DRD4: variants seen among roughly 807,000 people sequenced by gnomAD.
DRD4 encodes dopamine receptor D4, also known as D(4) dopamine receptor.
In DRD4, 26 loss-of-function variants were observed where a neutral mutation model predicts 22.1. The observed-to-expected ratio is 1.17, with a 90% CI of 0.86 to 1.63. DRD4 has a LOEUF of 1.63. Ranked by LOEUF, DRD4 falls within the 40% of genes most tolerant of loss-of-function variation. The pLI, the probability that DRD4 is intolerant of heterozygous loss-of-function variation, is 0.00. For missense variants in DRD4, 913 were observed against 632.4 expected, an observed-to-expected ratio of 1.44 and a Z score of -4.76; for synonymous variants, 455 against 306.7, an observed-to-expected ratio of 1.48 and a Z score of -5.05.
intron 1 of DRD4, among the ~76,000 whole-genome samples, chr11:638,824 CGTGA>C (rs1858129907): frequency 6.6e-6 from 1 of 152,164 alleles, no homozygotes; most frequent in African/African-American, 2.4e-5. Flanking sequence ...GGCCAGAAGC[CGTGA>C]TTCACGCCTG....
rs747820106 is a variant in DRD4 at position 639,831 on chromosome 11, C to G, written c.582C>G (p.Val194=). 1.9e-6 allele frequency: 3 copies of G among 1,585,542 alleles called. No homozygotes were observed. Among genetic ancestry groups the G allele is most frequent in the African/African-American group, 1.4e-5 (1 of 73,598 alleles). The change falls in exon 3 of 4, where the codon GTC becomes GTG. Residue 194 remains valine, a synonymous_variant. Transcript: ENST00000176183. ...VCRLEDRDYV[V]YSSVCSFFLP... The stretch of plus-strand genomic sequence containing the variant: ...GCCTGGAGGACCGCGACTACGTGGT[C>G]TACTCGTCCGTGTGCTCCTTCTTCC...
chr11:640,074 C>T lies in DRD4; in HGVS notation c.825C>T (p.Gly275=). The T allele has an allele frequency of 1.8e-6, 2 of 1,138,346 alleles. No individual in the cohort carries two copies. Among genetic ancestry groups the T allele is most frequent in the South Asian group, 2.3e-5 (1 of 44,216 alleles). 70.5% of individuals were successfully genotyped at this position (1,138,346 alleles called of 1,614,324 possible). ...PAPGLPRGPC[G]PDCAPAAPSL... ...CCGGCCTTCCCCGGGGTCCCTGCGGCCCCGACTGTGCGCCCGCCGCGCCCA... is the reference window on the plus strand; with the variant it reads ...CCGGCCTTCCCCGGGGTCCCTGCGGTCCCGACTGTGCGCCCGCCGCGCCCA... The change falls in exon 3 of 4, where the codon GGC becomes GGT. Residue 275 remains glycine (G), a synonymous_variant. Coordinates refer to ENST00000176183, the MANE Select transcript of DRD4 (RefSeq NM_000797.4).
In DRD4 at chr11:637,457, G is replaced by GA. The variant is rs750696928; in HGVS notation, c.155dup (p.Asn52LysfsTer398). The GA allele has an allele frequency of 4.6e-6, 7 of 1,535,522 alleles. No homozygotes were observed. The highest frequency in any genetic ancestry group is 3.6e-4 in the Middle Eastern group (2 of 5,506). Reference sequence around the variant, plus strand: ...TGCTCATCGGCGCGGTGCTCGCGGGGAACTCGCTCGTGTGCGTGAGCGTGG... The same window carrying GA: ...TGCTCATCGGCGCGGTGCTCGCGGGGAAACTCGCTCGTGTGCGTGAGCGTGG... On this transcript the variant is annotated frameshift_variant, in exon 1 of 4. Coordinates refer to ENST00000176183, the MANE Select transcript of DRD4 (RefSeq NM_000797.4). LOFTEE classifies it high-confidence loss of function.
At chr11:639,627 C>T (rs983677284) in intron 2 of DRD4, 21 bp from the exon 3 acceptor site, 8 of 1,413,402 alleles carry the variant, frequency 5.7e-6, no homozygotes, top group Middle Eastern at 2.3e-4. Flanking sequence ...CTGTCCGGCG[C>T]CCCCTCGGCG....
In DRD4 at chr11:639,692, G is replaced by A. The variant is rs1369433117; in HGVS notation, c.443G>A (p.Gly148Glu). ...CCGCTGCGCTACAACCGGCAGGGTGGGAGCCGCCGGCAGCTGCTGCTCATC... is the reference window on the plus strand; with the variant it reads ...CCGCTGCGCTACAACCGGCAGGGTGAGAGCCGCCGGCAGCTGCTGCTCATC... The part of the protein sequence containing the change: ...AVPLRYNRQG[G>E]SRRQLLLIGA... Residue 148 changes from glycine (G) to glutamate (E), a missense_variant, in exon 3 of 4, where the codon GGG (glycine) becomes GAG (glutamate). By Grantham distance (98) the Gly-to-Glu change is moderately conservative (BLOSUM62 -2). Coordinates refer to ENST00000176183, the MANE Select transcript of DRD4 (RefSeq NM_000797.4). The A allele has an allele frequency of 2.0e-6, 3 of 1,479,146 alleles. No individual in the cohort carries two copies. The East Asian group carries it at 8.6e-5, about 42-fold the overall frequency. 91.6% of individuals were successfully genotyped at this position (1,479,146 alleles called of 1,614,324 possible).
chr11:637,544 C>T lies in DRD4; in HGVS notation c.240C>T (p.Asp80=). ...NSFIVSLAAA[D]LLLALLVLPL... ...TCATCGTGAGCCTGGCGGCCGCCGA[C>T]CTCCTCCTCGCTCTCCTGGTGCTGC... The change falls in exon 1 of 4, where the codon GAC becomes GAT. Residue 80 remains aspartate (D), a synonymous_variant. Coordinates refer to ENST00000176183, the MANE Select transcript of DRD4 (RefSeq NM_000797.4). 6.6e-7 allele frequency: 1 copy of T among 1,524,118 alleles called. No homozygotes were observed. The allele number at this position is 1,524,118 out of a possible 1,614,324, so 94.4% of individuals were successfully genotyped here.
rs906330178 is a variant in DRD4, at chr11:639,833, A to G, written c.584A>G (p.Tyr195Cys). The part of the protein sequence containing the change: ...CRLEDRDYVV[Y>C]SSVCSFFLPC... Reference sequence around the variant, plus strand: ...CTGGAGGACCGCGACTACGTGGTCTACTCGTCCGTGTGCTCCTTCTTCCTA... The same window carrying G: ...CTGGAGGACCGCGACTACGTGGTCTGCTCGTCCGTGTGCTCCTTCTTCCTA... Residue 195 changes from tyrosine (Y) to cysteine (C), a missense_variant, in exon 3 of 4, where the codon TAC becomes TGC. Transcript: ENST00000176183. 1.9e-6 allele frequency: 3 copies of G among 1,585,136 alleles called. No individual in the cohort carries two copies. The highest frequency in any genetic ancestry group is 1.7e-6 in the Non-Finnish European group (2 of 1,173,544).
In DRD4 at chr11:639,664, G is replaced by A. The variant is rs1338486960; in HGVS notation, c.415G>A (p.Val139Met). 2.0e-6 allele frequency: 3 copies of A among 1,463,618 alleles called. No individual in the cohort carries two copies. Among genetic ancestry groups the A allele is most frequent in the Middle Eastern group, 2.3e-4 (1 of 4,292 alleles). The allele number at this position is 1,463,618 out of a possible 1,614,324, so 90.7% of individuals were successfully genotyped here. Residue 139 changes from valine to methionine, a missense_variant, in exon 3 of 4, where the codon GTG becomes ATG. Val to Met is a conservative substitution (Grantham distance 21). Transcript: ENST00000176183. ...ISVDRFVAVA[V>M]PLRYNRQGGS... ...TCCCCGCAGGTTCGTGGCCGTGGCC[G>A]TGCCGCTGCGCTACAACCGGCAGGG...
intron 1 of DRD4, among the ~76,000 whole-genome samples, chr11:638,231 T>C (rs921695259): frequency 2.0e-5 from 3 of 152,156 alleles, no homozygotes; most frequent in Admixed American, 1.3e-4. Flanking sequence ...TCGGCCTTGG[T>C]GCCAGCCCCT....
rs771019261 is a variant in DRD4 at position 639,848 on chromosome 11, C to T, written c.599C>T (p.Ser200Phe). 10 of 1,586,770 alleles carry T rather than the reference C, an allele frequency of 6.3e-6. No homozygotes were observed. The highest frequency in any genetic ancestry group is 2.3e-5 in the East Asian group (1 of 44,226). ...TACGTGGTCTACTCGTCCGTGTGCTCCTTCTTCCTACCCTGCCCGCTCATG... is the reference window on the plus strand; with the variant it reads ...TACGTGGTCTACTCGTCCGTGTGCTTCTTCTTCCTACCCTGCCCGCTCATG... ...RDYVVYSSVCSFFLPCPLMLL... is the reference protein window; with the variant it reads ...RDYVVYSSVCFFFLPCPLMLL... The change falls in exon 3 of 4, where the codon TCC becomes TTC. Residue 200 changes from serine to phenylalanine, a missense_variant. Ser to Phe is a radical substitution (Grantham distance 155, BLOSUM62 -2). Transcript: ENST00000176183.
At chr11:639,366 A>C (rs952061349) in intron 1 of DRD4, 67 bp from the exon 2 acceptor site, 19 of 1,361,874 alleles carry the variant, frequency 1.4e-5, no homozygotes, top group African/African-American at 5.0e-5. Context: ...TACCCATAAG[A>C]GTGGGGGCGG....
In DRD4 at chr11:640,142, C is replaced by G. The variant is rs772994846; in HGVS notation, c.893C>G (p.Ala298Gly). Residue 298 changes from alanine (A) to glycine (G), a missense_variant, in exon 3 of 4, where the codon GCG (alanine) becomes GGG (glycine). Transcript: ENST00000176183. Reference protein sequence around the residue: ...DPCGPDCAPPAPGLPPDPCGS... With the variant: ...DPCGPDCAPPGPGLPPDPCGS... ...TGCGGCCCCGACTGTGCGCCCCCCGCGCCCGGCCTCCCCCCGGACCCCTGC... is the reference window on the plus strand; with the variant it reads ...TGCGGCCCCGACTGTGCGCCCCCCGGGCCCGGCCTCCCCCCGGACCCCTGC... The G allele has an allele frequency of 2.7e-6, 4 of 1,469,112 alleles. No individual in the cohort carries two copies. Among genetic ancestry groups the G allele is most frequent in the Non-Finnish European group, 2.7e-6 (3 of 1,114,838 alleles). The allele number at this position is 1,469,112 out of a possible 1,614,324, so 91.0% of individuals were successfully genotyped here.
chr11:640,530 AC>A lies in DRD4; in HGVS notation c.1191del (p.Val398SerfsTer33). 1 of 1,587,868 alleles carries A rather than the reference AC, an allele frequency of 6.3e-7. No homozygotes were observed. Among genetic ancestry groups the A allele is most frequent in the South Asian group, 1.1e-5 (1 of 90,312 alleles). ...CTGGGCTACGTCAACAGCGCCCTCA[AC>A]CCCGTCATCTACACTGTCTTCAACG... is the stretch of plus-strand genomic sequence containing the variant. ...TWLGYVNSAL[N>X]PVIYTVFNAE... On this transcript the variant is annotated frameshift_variant, in exon 4 of 4. Coordinates refer to ENST00000176183, the MANE Select transcript of DRD4 (RefSeq NM_000797.4). LOFTEE classifies it high-confidence loss of function.
rs571855775 is a variant in DRD4, at chr11:639,951, G to A, written c.702G>A (p.Ala234=). The A allele has an allele frequency of 5.1e-5, 77 of 1,500,154 alleles. No individual in the cohort carries two copies. Among genetic ancestry groups the A allele is most frequent in the Admixed American group, 3.9e-4 (19 of 48,548 alleles). The allele number at this position is 1,500,154 out of a possible 1,614,324, so 92.9% of individuals were successfully genotyped here. Residue 234 remains alanine, a synonymous_variant, in exon 3 of 4, where the codon GCG becomes GCA. Coordinates refer to ENST00000176183, the MANE Select transcript of DRD4 (RefSeq NM_000797.4). The part of the protein sequence containing the change: ...VARRAKLHGR[A]PRRPSGPGPP... ...GTCGCGCCAAGCTGCACGGCCGCGCGCCCCGCCGACCCAGCGGCCCTGGCC... is the reference window on the plus strand; with the variant it reads ...GTCGCGCCAAGCTGCACGGCCGCGCACCCCGCCGACCCAGCGGCCCTGGCC...
Position 640,384 on chromosome 11 carries a change from G to A in DRD4, c.1058-17G>A, listed in dbSNP as rs1554932243. On this transcript the variant is annotated splice_polypyrimidine_tract_variant and intron_variant, in intron 3 of 3. Coordinates refer to ENST00000176183, the MANE Select transcript of DRD4 (RefSeq NM_000797.4). ...CGGCTGGGCGGGGGGCGCTAACGCG[G>A]CTCTCGGCGCCCCCAGGGGCCTTCC... The A allele has an allele frequency of 1.3e-6, 2 of 1,595,300 alleles. No individual in the cohort carries two copies. Among genetic ancestry groups the A allele is most frequent in the African/African-American group, 1.3e-5 (1 of 74,966 alleles).
At position 640,623 on chromosome 11, in the gene DRD4, C is replaced by A; in HGVS notation, c.*20C>A. ...TGCTGAGCCGGGCACCCCCGGACGCCCCCCGGCCTGATGGCCAGGCCTCAG... is the reference window on the plus strand; with the variant it reads ...TGCTGAGCCGGGCACCCCCGGACGCACCCCGGCCTGATGGCCAGGCCTCAG... On this transcript the variant is annotated 3_prime_UTR_variant, in exon 4 of 4. Coordinates refer to ENST00000176183, the MANE Select transcript of DRD4 (RefSeq NM_000797.4). 6.3e-7 allele frequency: 1 copy of A among 1,598,872 alleles called. No homozygotes were observed. Among genetic ancestry groups the A allele is most frequent in the Non-Finnish European group, 8.5e-7 (1 of 1,179,700 alleles).
In DRD4 at chr11:639,702, G is replaced by A. The variant is rs1392394207; in HGVS notation, c.453G>A (p.Arg151=). The part of the protein sequence containing the change: ...LRYNRQGGSR[R]QLLLIGATWL... ...ACAACCGGCAGGGTGGGAGCCGCCG[G>A]CAGCTGCTGCTCATCGGCGCCACGT... The change falls in exon 3 of 4, where the codon CGG becomes CGA. Residue 151 remains arginine (R), a synonymous_variant. Coordinates refer to ENST00000176183, the MANE Select transcript of DRD4 (RefSeq NM_000797.4). 2.0e-6 allele frequency: 3 copies of A among 1,485,322 alleles called. No individual in the cohort carries two copies. The highest frequency in any genetic ancestry group is 2.8e-5 in the East Asian group (1 of 35,612). The allele number at this position is 1,485,322 out of a possible 1,614,324, so 92.0% of individuals were successfully genotyped here.
In DRD4 at chr11:638,041, G is replaced by A. The variant is rs115341449; in HGVS notation, c.285+452G>A. On this transcript the variant is annotated intron_variant, in intron 1 of 3. Transcript: ENST00000176183. ...CTGCCCACCACACACACCTAGTGCA[G>A]ATGCTGGCACACCCCCAGAAGGAGG... Among the ~76,000 whole-genome samples, 1,186 of 152,294 alleles carry A rather than the reference G, an allele frequency of 7.8e-3. 15 individuals carry two copies. Among genetic ancestry groups the A allele is most frequent in the African/African-American group, 0.027 (1,138 of 41,546 alleles).
In DRD4 at chr11:640,470, C is replaced by T; in HGVS notation, c.1127C>T (p.Ser376Phe). Reference protein sequence around the residue: ...HITQALCPACSVPPRLVSAVT... With the variant: ...HITQALCPACFVPPRLVSAVT... ...ACGCAGGCGCTGTGTCCTGCCTGCTCCGTGCCCCCGCGGCTGGTCAGCGCC... is the reference window on the plus strand; with the variant it reads ...ACGCAGGCGCTGTGTCCTGCCTGCTTCGTGCCCCCGCGGCTGGTCAGCGCC... The change falls in exon 4 of 4, where the codon TCC (serine) becomes TTC (phenylalanine). Residue 376 changes from serine (S) to phenylalanine (F), a missense_variant. Transcript: ENST00000176183. The T allele has an allele frequency of 6.2e-7, 1 of 1,602,190 alleles. No individual in the cohort carries two copies. Among genetic ancestry groups the T allele is most frequent in the Non-Finnish European group, 8.5e-7 (1 of 1,179,812 alleles).
Sources: gnomAD v4.1 joint callset for allele counts (sites outside exome capture counted in the v4.1 genomes callset) on GRCh38, gnomAD v4.1.1 for gene constraint, MANE v1.5 for transcripts, NCBI Gene and HGNC (gene_info 2026-07-23, HGNC 2026-07-21) for gene names.